Variants in ANO3 observed in about 807,000 individuals in gnomAD.
ANO3 encodes the protein anoctamin-3.
A neutral mutation model predicts 144.8 loss-of-function variants in ANO3; 99 were observed. The ratio of observed to expected loss-of-function variants is 0.68; its 90% confidence interval spans 0.58 to 0.81. The LOEUF (loss-of-function observed/expected upper bound fraction) is 0.81. Among genes scored for constraint, ANO3 ranks in the 30% least tolerant of loss-of-function variants. The pLI is 0.00. For synonymous variants in ANO3, 414 were observed against 392.6 expected (o/e 1.05, Z -0.64); for missense variants, 905 against 1,202.2 (o/e 0.75, Z 3.66).
rs181444167 is a variant in ANO3 at position 26,209,310 on chromosome 11, C to A, written c.154+19980C>A. 4.4e-4 allele frequency among the ~76,000 whole-genome samples: 67 copies of A among 152,298 alleles called. 1 individual carries two copies. Among genetic ancestry groups the A allele is most frequent in the Admixed American group, 4.4e-3 (67 of 15,302 alleles). On this transcript the variant is annotated intron_variant, in intron 1 of 27. Transcript: ENST00000672621. Reference sequence around the variant, plus strand: ...GTTTCCAGCTTCATCCATGTGCCTGCAAAAGACATGAACTCATCTTTTTTA... The same window carrying A: ...GTTTCCAGCTTCATCCATGTGCCTGAAAAAGACATGAACTCATCTTTTTTA...
intron 1 of ANO3, among the ~76,000 whole-genome samples, chr11:26,322,126 T>A (rs1416798919): frequency 6.6e-6 from 1 of 152,104 alleles, no homozygotes; most frequent in Non-Finnish European, 1.5e-5. Context: ...TGTACCGCAT[T>A]TTTTTAGCTG....
intron 1 of ANO3, among the ~76,000 whole-genome samples, chr11:26,362,163 TGTTCTCAAGATA>T (rs1855945015): frequency 6.6e-6 from 1 of 152,274 alleles, no homozygotes; most frequent in African/African-American, 2.4e-5. Context: ...CACTCATAAT[TGTTCTCAAGATA>T]GTACACCAGG....
At chr11:26,410,788 C>T (rs916820939) in intron 1 of ANO3, among the ~76,000 whole-genome samples, 2 of 151,934 alleles carry the variant, frequency 1.3e-5, no homozygotes, top group African/African-American at 2.4e-5. Flanking sequence ...TAGGCTACAC[C>T]GAGGGAGCCA....
chr11:26,485,717 A>G (rs1860419713), intron 4 of ANO3, among the ~76,000 whole-genome samples: 1 of 152,156 alleles, frequency 6.6e-6, no homozygotes. Context: ...AGATGGATCC[A>G]AGACTTAAAT....
intron 4 of ANO3, among the ~76,000 whole-genome samples, chr11:26,466,951 A>G (rs1228068434): frequency 1.3e-5 from 2 of 151,980 alleles, no homozygotes; most frequent in Admixed American, 1.3e-4. Flanking sequence ...ATGGAGCCCA[A>G]GTATATTTTA....
At chr11:26,537,546 G>A (rs553872169) in intron 10 of ANO3, 85 bp downstream of exon 10, 1 of 1,145,080 alleles carries the variant, frequency 8.7e-7, no homozygotes, top group East Asian at 2.3e-5. Flanking sequence ...GAATCTAGCT[G>A]TCCACTCCCA....
At chr11:26,596,854 T>C (rs1256219280) in intron 14 of ANO3, among the ~76,000 whole-genome samples, 3 of 151,882 alleles carry the variant, frequency 2.0e-5, no homozygotes, top group East Asian at 3.9e-4. Context: ...ATGCCAGGAG[T>C]TCAGGACGAC....
At chr11:26,285,043 T>G (rs1381879162) in intron 1 of ANO3, among the ~76,000 whole-genome samples, 2 of 152,256 alleles carry the variant, frequency 1.3e-5, no homozygotes, top group African/African-American at 4.8e-5. Context: ...CCGCCTTTAC[T>G]TCAGAATTTC....
intron 4 of ANO3, among the ~76,000 whole-genome samples, chr11:26,490,679 A>G (rs1470262222): frequency 1.3e-5 from 2 of 152,344 alleles, no homozygotes; most frequent in African/African-American, 2.4e-5. Context: ...ACACCTAACC[A>G]CAACTCCATC....
At chr11:26,426,086 A>C (rs1857911255) in intron 1 of ANO3, among the ~76,000 whole-genome samples, 1 of 152,186 alleles carries the variant, frequency 6.6e-6, no homozygotes, top group African/African-American at 2.4e-5. Flanking sequence ...CATATAATAC[A>C]TAGTATATAA....
intron 1 of ANO3, among the ~76,000 whole-genome samples, chr11:26,278,143 T>G (rs1259498783): frequency 6.6e-6 from 1 of 152,110 alleles, no homozygotes; most frequent in Non-Finnish European, 1.5e-5. Flanking sequence ...TGCTATTTAT[T>G]TCACTCAATT....
intron 1 of ANO3, among the ~76,000 whole-genome samples, chr11:26,412,455 A>G (rs1286346271): frequency 6.6e-6 from 1 of 152,076 alleles, no homozygotes; most frequent in Non-Finnish European, 1.5e-5. Flanking sequence ...CACACATTTT[A>G]AAGATAATAT....
At chr11:26,577,737 T>C (rs1411010908) in intron 14 of ANO3, among the ~76,000 whole-genome samples, 1 of 152,228 alleles carries the variant, frequency 6.6e-6, no homozygotes, top group Non-Finnish European at 1.5e-5. Flanking sequence ...GATGGAGTGA[T>C]GGGTTTAACT....
At chr11:26,282,115 T>C (rs1182276549) in intron 1 of ANO3, among the ~76,000 whole-genome samples, 3 of 152,206 alleles carry the variant, frequency 2.0e-5, no homozygotes, top group African/African-American at 7.2e-5. Flanking sequence ...ATTTTACTTA[T>C]ACCATTAGCC....
intron 1 of ANO3, among the ~76,000 whole-genome samples, chr11:26,320,183 G>A (rs1157878352): frequency 6.6e-6 from 1 of 152,190 alleles, no homozygotes; most frequent in East Asian, 1.9e-4. Context: ...ACAGTGCTGG[G>A]AAGAACAAGT....
At chr11:26,655,299 T>C (rs1853652074) in intron 24 of ANO3, among the ~76,000 whole-genome samples, 1 of 152,168 alleles carries the variant, frequency 6.6e-6, no homozygotes, top group Admixed American at 6.6e-5. Flanking sequence ...ACACTCTGAC[T>C]TGCTGAGCCT....
chr11:26,552,974 C>G (rs1849974588), intron 12 of ANO3, among the ~76,000 whole-genome samples: 2 of 11,196 alleles, frequency 1.8e-4, no homozygotes, highest in African/African-American at 2.9e-4. Flanking sequence ...ATAAAAGTGT[C>G]ATTGTAGACA....
chr11:26,358,148 G>A (rs1330598408), intron 1 of ANO3, among the ~76,000 whole-genome samples: 3 of 148,752 alleles, frequency 2.0e-5, no homozygotes, highest in African/African-American at 7.4e-5. Context: ...TTTTTTACAT[G>A]AAGCTTAGAA....
At chr11:26,575,306 T>A (rs1279954385) in intron 14 of ANO3, among the ~76,000 whole-genome samples, 2 of 151,868 alleles carry the variant, frequency 1.3e-5, no homozygotes, top group East Asian at 3.9e-4. Flanking sequence ...AATTGTTTTT[T>A]AAGGTAAGAG....
Sources: allele counts gnomAD v4.1 joint callset (sites outside exome capture counted in the v4.1 genomes callset), GRCh38; gene constraint gnomAD v4.1.1; transcripts MANE v1.5; gene names NCBI Gene and HGNC (gene_info 2026-07-23, HGNC 2026-07-21).